CEBPZ: variants seen among roughly 807,000 people sequenced by gnomAD.
CEBPZ encodes the protein CCAAT/enhancer-binding protein zeta.
In CEBPZ, 78 loss-of-function variants were observed where a neutral mutation model predicts 104.5. The observed-to-expected ratio is 0.75, with a 90% CI of 0.62 to 0.90. The LOEUF (loss-of-function observed/expected upper bound fraction) is 0.90. Ranked by LOEUF, CEBPZ falls within the 40% of genes least tolerant of loss-of-function variation. The probability of loss-of-function intolerance (pLI) is 0.00; values close to 1 mark genes in which losing one functional copy is unlikely to be tolerated. For missense variants in CEBPZ, 1,439 were observed against 1,233.5 expected, an observed-to-expected ratio of 1.17 and a Z score of -2.50; for synonymous variants, 470 against 427.0, an observed-to-expected ratio of 1.10 and a Z score of -1.24.
At chr2:37,205,986 AG>A (rs1330454680) in intron 13 of CEBPZ, among the ~76,000 whole-genome samples, 1 of 152,244 alleles carries the variant, frequency 6.6e-6, no homozygotes, top group Non-Finnish European at 1.5e-5. Flanking sequence ...GAAAAATGCA[AG>A]GCTTTTATAA....
chr2:37,219,568 G>GTAT (rs1664715125), intron 5 of CEBPZ, among the ~76,000 whole-genome samples: 1 of 152,016 alleles, frequency 6.6e-6, no homozygotes, highest in Non-Finnish European at 1.5e-5. Context: ...TAATGTACTG[G>GTAT]TATTACTATG....
At position 37,227,794 on chromosome 2, in the gene CEBPZ, A is replaced by T. The variant is rs1317228484; in HGVS notation, c.1399T>A (p.Cys467Ser). ...TTTTTGACACAAGTCCGAAAAAAGC[A>T]AAAGTAAACAGTTATTAATTTGTTA... ...LANKLITVYF[C>S]FFRTCVKKKD... The change falls in exon 2 of 16, where the codon TGC (cysteine) becomes AGC (serine). Residue 467 changes from cysteine (C) to serine (S), a missense_variant. Physicochemically the swap from Cys to Ser is moderately radical, Grantham distance 112. Transcript: ENST00000234170. The T allele has an allele frequency of 6.2e-7, 1 of 1,613,986 alleles. No individual in the cohort carries two copies. The highest frequency in any genetic ancestry group is 1.7e-5 in the Admixed American group (1 of 59,988).
chr2:37,228,138 G>A lies in CEBPZ; in HGVS notation c.1055C>T (p.Thr352Ile). ...LVAEFVQVLE[T>I]LSHDTLVTTK... is the part of the protein sequence containing the mutation. ...GGTTACTAATGTATCATGACTTAAA[G>A]TTTCTAAGACCTGCACAAATTCAGC... Residue 352 changes from threonine to isoleucine, a missense_variant, in exon 2 of 16, where the codon ACT (threonine) becomes ATT (isoleucine). Physicochemically the swap from Thr to Ile is moderately conservative, Grantham distance 89. Coordinates refer to ENST00000234170, the MANE Select transcript of CEBPZ (RefSeq NM_005760.3). The A allele has an allele frequency of 6.2e-7, 1 of 1,614,182 alleles. No homozygotes were observed. Among genetic ancestry groups the A allele is most frequent in the Non-Finnish European group, 8.5e-7 (1 of 1,180,048 alleles).
At chr2:37,229,226 C>G (rs1363338342) in intron 1 of CEBPZ, among the ~76,000 whole-genome samples, 190 bp from the exon 2 acceptor site, 2 of 152,022 alleles carry the variant, frequency 1.3e-5, no homozygotes, top group Non-Finnish European at 2.9e-5. Context: ...CTTTTACACA[C>G]ACACACACGC....
chr2:37,212,368 A>C lies in CEBPZ; in HGVS notation c.2570T>G (p.Phe857Cys), dbSNP rs781313586. 21 of 1,613,526 alleles carry C rather than the reference A, an allele frequency of 1.3e-5. No homozygotes were observed. In the East Asian group the frequency reaches 4.7e-4, roughly 36 times the overall value. Residue 857 changes from phenylalanine (F) to cysteine (C), a missense_variant, in exon 11 of 16, where the codon TTC (phenylalanine) becomes TGC (cysteine). Physicochemically the swap from Phe to Cys is radical, Grantham distance 205. Coordinates refer to ENST00000234170, the MANE Select transcript of CEBPZ (RefSeq NM_005760.3). ...ATCCATATCATCCTTTCCAGAGCTG[A>C]AACAGTTATCATCTTCAAATGTGTC... ...LIDTFEDDNC[F>C]SSGKDDMDFA... is the part of the protein sequence containing the mutation.
chr2:37,207,408 A>T (rs771649510), intron 13 of CEBPZ, among the ~76,000 whole-genome samples: 1 of 152,212 alleles, frequency 6.6e-6, no homozygotes. Context: ...TAGGCCACAA[A>T]ACAAGTCTCA....
chr2:37,202,239 G>GTT lies in CEBPZ; in HGVS notation c.3026-338_3026-337dup, dbSNP rs763186990. On this transcript the variant is annotated intron_variant, in intron 15 of 15. Coordinates refer to ENST00000234170, the MANE Select transcript of CEBPZ (RefSeq NM_005760.3). ...AAAAGTAATTTTTGTAGTCTGCAAG[G>GTT]TTTTTTTTTTTTTTGCTTTAGTCTA... is the stretch of plus-strand genomic sequence containing the variant. The GTT allele has an allele frequency of 2.5e-3, 359 of 142,560 alleles. 3 individuals carry two copies. Among genetic ancestry groups the GTT allele is most frequent in the African/African-American group, 9.1e-3 (336 of 37,030 alleles). 8.8% of individuals were successfully genotyped at this position (142,560 alleles called of 1,614,324 possible).
At chr2:37,213,700 C>G (rs1572500533) in intron 10 of CEBPZ, 164 bp downstream of exon 10, 1 of 543,320 alleles carries the variant, frequency 1.8e-6, no homozygotes, top group Middle Eastern at 5.1e-4. Flanking sequence ...AGGTGTGAGC[C>G]ACAGCGCCTG....
intron 2 of CEBPZ, among the ~76,000 whole-genome samples, chr2:37,225,298 C>T (rs1045980085): frequency 6.6e-6 from 1 of 152,132 alleles, no homozygotes; most frequent in Non-Finnish European, 1.5e-5. Flanking sequence ...TGACCTTGCC[C>T]AAATTATTGT....
intron 13 of CEBPZ, among the ~76,000 whole-genome samples, chr2:37,207,872 G>A (rs1046415982): frequency 6.6e-6 from 1 of 151,864 alleles, no homozygotes; most frequent in South Asian, 2.1e-4. Flanking sequence ...TGGTTCTGTG[G>A]AAAAATAAAG....
intron 1 of CEBPZ, 44 bp downstream of exon 1, chr2:37,231,368 A>G (rs377264231): frequency 1.2e-6 from 2 of 1,611,300 alleles, no homozygotes; most frequent in South Asian, 1.1e-5. Context: ...CACCTTCGGA[A>G]CTCTCCACGC....
chr2:37,219,084 T>C (rs1274632098), intron 5 of CEBPZ, among the ~76,000 whole-genome samples: 1 of 152,244 alleles, frequency 6.6e-6, no homozygotes, highest in Admixed American at 6.5e-5. Flanking sequence ...GAAAGCTTTA[T>C]TTTTGAATTT....
At chr2:37,211,122 CAAT>C (rs761148301) in intron 12 of CEBPZ, 40 bp from the exon 13 acceptor site, 148 of 1,344,378 alleles carry the variant, frequency 1.1e-4, no homozygotes, top group Non-Finnish European at 1.4e-4. Flanking sequence ...AATTTAAAAA[CAAT>C]AAGACTGGAA....
intron 5 of CEBPZ, among the ~76,000 whole-genome samples, chr2:37,218,827 G>A (rs533319663): frequency 3.9e-5 from 6 of 152,140 alleles, no homozygotes; most frequent in African/African-American, 9.7e-5. Flanking sequence ...AGCCGAGATC[G>A]CGCCACTGCA....
intron 13 of CEBPZ, among the ~76,000 whole-genome samples, chr2:37,205,594 T>C (rs1042943246): frequency 1.3e-5 from 2 of 152,244 alleles, no homozygotes; most frequent in Non-Finnish European, 2.9e-5. Context: ...TTGTTGCTCA[T>C]GCAAAGCCTG....
intron 13 of CEBPZ, among the ~76,000 whole-genome samples, chr2:37,206,670 C>G (rs891199984): frequency 1.3e-5 from 2 of 152,130 alleles, no homozygotes; most frequent in Middle Eastern, 3.2e-3. Context: ...AATTCTAAAT[C>G]TTGAAACAAA....
At chr2:37,210,951 C>A in intron 13 of CEBPZ, 48 bp downstream of exon 13, 1 of 1,367,382 alleles carries the variant, frequency 7.3e-7, no homozygotes, top group South Asian at 1.3e-5. Context: ...ATAATGACAC[C>A]TTTCACATGG....
chr2:37,218,790 G>A (rs1664698174), intron 5 of CEBPZ, among the ~76,000 whole-genome samples: 1 of 152,122 alleles, frequency 6.6e-6, no homozygotes, highest in Non-Finnish European at 1.5e-5. Flanking sequence ...TGTAATCCCA[G>A]CTACTCAGGA....
chr2:37,210,850 A>G (rs1677698228), intron 13 of CEBPZ, 149 bp downstream of exon 13: 5 of 493,994 alleles, frequency 1.0e-5, no homozygotes, highest in Non-Finnish European at 1.8e-5. Flanking sequence ...AAATGTGGAA[A>G]ATAATTTCCA....
Sources: allele counts gnomAD v4.1 joint callset (sites outside exome capture counted in the v4.1 genomes callset), GRCh38; gene constraint gnomAD v4.1.1; transcripts MANE v1.5; gene names NCBI Gene and HGNC (gene_info 2026-07-23, HGNC 2026-07-21).